The following C6 variants were observed in gnomAD, a reference collection of about 807,000 sequenced individuals.
C6 encodes the protein complement component C6.
Under a neutral mutation model 112.9 loss-of-function variants are expected in C6, and 101 were observed. That is an observed-to-expected ratio of 0.89 (90% CI 0.76 to 1.06). The LOEUF is 1.06. C6 is among the 50% of genes least tolerant of loss of function. C6 has a pLI of 0.00. For synonymous variants in C6, 431 were observed against 384.1 expected (o/e 1.12, Z -1.43); for missense variants, 1,202 against 1,104.6 (o/e 1.09, Z -1.25).
chr5:41,183,000 T>A (rs2150326689), intron 6 of C6, among the ~76,000 whole-genome samples: 1 of 152,354 alleles, frequency 6.6e-6, no homozygotes, highest in Non-Finnish European at 1.5e-5. Flanking sequence ...TCAAGCTTTG[T>A]GGGTTAACCC....
Position 41,238,914 on chromosome 5 carries a change from C to T in C6, c.-21+22280G>A, listed in dbSNP as rs1004723451. ...ATAAAATTTAATTTAAAATAACTTACGTGTTTAACAGCAGGCTAATAACAT... is the reference window on the plus strand; with the variant it reads ...ATAAAATTTAATTTAAAATAACTTATGTGTTTAACAGCAGGCTAATAACAT... On this transcript the variant is annotated intron_variant, in intron 1 of 17. Coordinates refer to the C6 transcript ENST00000263413. Among the ~76,000 whole-genome samples, 9 of 151,848 alleles carry T rather than the reference C, an allele frequency of 5.9e-5. No homozygotes were observed. The South Asian group carries it at 6.3e-4, about 11-fold the overall frequency.
chr5:41,211,166 T>A (rs1230305393), intron 1 of C6, among the ~76,000 whole-genome samples: 1 of 152,064 alleles, frequency 6.6e-6, no homozygotes, highest in Non-Finnish European at 1.5e-5. Context: ...ATGTTCTCAC[T>A]TATAGGTGGG....
chr5:41,154,076 A>C (rs1192376541), intron 14 of C6, 78 bp from the exon 15 acceptor site: 1 of 1,268,732 alleles, frequency 7.9e-7, no homozygotes, highest in African/African-American at 1.5e-5. Context: ...GTGCAACCAA[A>C]GAGGTGATTT....
In C6 at chr5:41,203,084, C is replaced by T; in HGVS notation, c.143+4G>A. On this transcript the variant is annotated splice_donor_region_variant and intron_variant, in intron 2 of 17. Transcript: ENST00000337836. ...CAAAGAAAAGCCACAAAGCTCACACCCACCTGTGTCTGCTCTGGGTTCCAG... is the reference window on the plus strand; with the variant it reads ...CAAAGAAAAGCCACAAAGCTCACACTCACCTGTGTCTGCTCTGGGTTCCAG... 4 of 1,613,866 alleles carry T rather than the reference C, an allele frequency of 2.5e-6. No homozygotes were observed. Among genetic ancestry groups the T allele is most frequent in the Non-Finnish European group, 3.4e-6 (4 of 1,179,906 alleles).
At chr5:41,183,806 G>T (rs1384242546) in intron 6 of C6, among the ~76,000 whole-genome samples, 2 of 152,152 alleles carry the variant, frequency 1.3e-5, no homozygotes, top group Admixed American at 6.5e-5. Flanking sequence ...GCCATAAAAA[G>T]AATGAAATCA....
chr5:41,153,961 C>T lies in C6; in HGVS notation c.2139G>A (p.Leu713=), dbSNP rs137874155. ...ACAATCTCTGAAATGGTGTAATTGT[C>T]AGGACTTCCTGCACAACTGGCTTGA... The part of the protein sequence containing the change: ...ECIKPVVQEV[L]TITPFQRLYR... The change falls in exon 15 of 18, where the codon CTG becomes CTA. Residue 713 remains leucine, a synonymous_variant. Coordinates refer to ENST00000337836, the MANE Select transcript of C6 (RefSeq NM_000065.5). The T allele has an allele frequency of 2.0e-5, 33 of 1,613,706 alleles. No homozygotes were observed. In the African/African-American group the frequency reaches 4.1e-4, roughly 20 times the overall value.
intron 1 of C6, among the ~76,000 whole-genome samples, chr5:41,220,917 C>T (rs1385517970): frequency 6.6e-6 from 1 of 151,618 alleles, no homozygotes; most frequent in East Asian, 1.9e-4. Context: ...CCATGTGTGC[C>T]CAATGTATAA....
chr5:41,151,586 A>C (rs1746397464), intron 15 of C6, among the ~76,000 whole-genome samples: 1 of 152,180 alleles, frequency 6.6e-6, no homozygotes, highest in Admixed American at 6.6e-5. Flanking sequence ...TCTGTGCTAA[A>C]GATTTAAATC....
chr5:41,159,105 G>A lies in C6; in HGVS notation c.1833C>T (p.Cys611=). 6.2e-7 allele frequency: 1 copy of A among 1,613,624 alleles called. No individual in the cohort carries two copies. The change falls in exon 12 of 18, where the codon TGC becomes TGT. Residue 611 remains cysteine (C), a synonymous_variant. Coordinates refer to ENST00000337836, the MANE Select transcript of C6 (RefSeq NM_000065.5). ...CEGEKRQEED[C]TFSIMENNGQ... Reference sequence around the variant, plus strand: ...ACTTGTTTTCCATGATTGAAAATGTGCAGTCTTCCTCTTGTCGCTTCTCCC... The same window carrying A: ...ACTTGTTTTCCATGATTGAAAATGTACAGTCTTCCTCTTGTCGCTTCTCCC...
intron 1 of C6, among the ~76,000 whole-genome samples, chr5:41,221,853 T>C (rs1739185201): frequency 6.6e-6 from 1 of 152,134 alleles, no homozygotes. Flanking sequence ...TATTTTCTTA[T>C]ATTGAGCAGA....
chr5:41,202,985 A>T, intron 2 of C6, 103 bp downstream of exon 2: 2 of 1,088,208 alleles, frequency 1.8e-6, no homozygotes. Flanking sequence ...TCTTACTTTG[A>T]TATATATATG....
At chr5:41,261,356 T>C (rs1389928122) in exon 1 of C6, 6 of 249,308 alleles carry the variant, frequency 2.4e-5, no homozygotes, top group Non-Finnish European at 3.2e-5. Flanking sequence ...AGTATTTCAG[T>C]TTTTAAGACT....
intron 17 of C6, among the ~76,000 whole-genome samples, chr5:41,146,430 C>G (rs1235202279): frequency 6.6e-6 from 1 of 152,178 alleles, no homozygotes; most frequent in Admixed American, 6.6e-5. Flanking sequence ...TACTAATATT[C>G]CAACTTCCCA....
intron 7 of C6, among the ~76,000 whole-genome samples, chr5:41,180,891 G>A (rs1286498483): frequency 1.3e-5 from 2 of 149,720 alleles, no homozygotes; most frequent in African/African-American, 2.5e-5. Context: ...AATATAAGAG[G>A]AAAAAAATGG....
intron 9 of C6, among the ~76,000 whole-genome samples, chr5:41,165,702 G>A (rs372345297): frequency 1.3e-5 from 2 of 151,944 alleles, no homozygotes; most frequent in African/African-American, 4.8e-5. Context: ...TATAGCCTAG[G>A]CTTTGTCCTC....
At chr5:41,227,085 A>G (rs1040590922) in intron 1 of C6, among the ~76,000 whole-genome samples, 1 of 152,100 alleles carries the variant, frequency 6.6e-6, no homozygotes, top group African/African-American at 2.4e-5. Context: ...AGTGTGTAAG[A>G]GTTTTCTTTC....
In C6 at chr5:41,161,471, G is replaced by A. The variant is rs1252961200; in HGVS notation, c.1458+222C>T. ...TTCCATTTCCTGGTGTTTCATGCAT[G>A]CTAGGAATTCTAAATACTGTACTGT... On this transcript the variant is annotated intron_variant, in intron 10 of 17. Coordinates refer to ENST00000337836, the MANE Select transcript of C6 (RefSeq NM_000065.5). Among the ~76,000 whole-genome samples the A allele has an allele frequency of 1.3e-5, 2 of 152,092 alleles. No individual in the cohort carries two copies. Among genetic ancestry groups the A allele is most frequent in the African/African-American group, 4.8e-5 (2 of 41,390 alleles).
At chr5:41,148,408 A>G (rs573805346) in intron 17 of C6, among the ~76,000 whole-genome samples, 1 of 152,064 alleles carries the variant, frequency 6.6e-6, no homozygotes, top group East Asian at 1.9e-4. Flanking sequence ...ATACGGGGCC[A>G]CTCCTGAAAT....
Position 41,160,278 on chromosome 5 carries a change from G to T in C6, c.1548C>A (p.Ala516=), listed in dbSNP as rs1054262851. 3 of 1,613,842 alleles carry T rather than the reference G, an allele frequency of 1.9e-6. No individual in the cohort carries two copies. Among genetic ancestry groups the T allele is most frequent in the Non-Finnish European group, 1.7e-6 (2 of 1,179,824 alleles). Residue 516 remains alanine, a synonymous_variant, in exon 11 of 18, where the codon GCC becomes GCA. Transcript: ENST00000337836. ...NLRKALQEYA[A]KFDPCQCAPC... ...GAGCACACTGGCAAGGATCGAACTT[G>T]GCTGCATACTCTTGCAAAGCTTTCC...
Sources: gnomAD v4.1 joint callset for allele counts (sites outside exome capture counted in the v4.1 genomes callset) on GRCh38, gnomAD v4.1.1 for gene constraint, MANE v1.5 for transcripts, NCBI Gene and HGNC (gene_info 2026-07-23, HGNC 2026-07-21) for gene names.